Variants in GNAS observed in about 807,000 individuals in gnomAD.
GNAS encodes GNAS complex locus.
In GNAS, 8 loss-of-function variants were observed where a neutral mutation model predicts 54.5. The ratio of observed to expected loss-of-function variants is 0.15; its 90% CI spans 0.09 to 0.26. GNAS has a LOEUF of 0.26. GNAS is among the 10% of genes least tolerant of loss of function. GNAS has a pLI of 1.00. For missense variants in GNAS, 170 were observed against 529.8 expected (o/e 0.32, Z 6.67); for synonymous variants, 204 against 191.4 (o/e 1.07, Z -0.54).
intron 1 of GNAS, among the ~76,000 whole-genome samples, chr20:58,847,973 C>A (rs557967402): frequency 6.6e-6 from 1 of 152,214 alleles, no homozygotes; most frequent in Non-Finnish European, 1.5e-5. Context: ...GCATCACGTG[C>A]GGCTTCCAAG....
intron 2 of GNAS, among the ~76,000 whole-genome samples, 198 bp downstream of exon 2, chr20:58,895,882 A>G (rs927432672): frequency 6.6e-6 from 1 of 152,124 alleles, no homozygotes; most frequent in Non-Finnish European, 1.5e-5. Context: ...GGTGCAACAA[A>G]TACTACTGAT....
intron 3 of GNAS, chr20:58,899,915 A>G (rs2090454501): frequency 1.4e-6 from 1 of 717,816 alleles, no homozygotes; most frequent in Non-Finnish European, 2.6e-6. Context: ...GGGACAAAGT[A>G]ACTGACACAT....
In GNAS at chr20:58,910,703, A is replaced by G; in HGVS notation, c.1059A>G (p.Gly353=). Residue 353 remains glycine (G), a synonymous_variant, in exon 13 of 13, where the codon GGA becomes GGG. Transcript: ENST00000371085. The surrounding 1 kb of genome is among the most constrained non-coding windows in gnomAD (Gnocchi z 5.8). ...DEFLRISTAS[G]DGRHYCYPHF... is the part of the protein sequence containing the mutation. ...CGCAGAGGATCAGCACTGCCAGTGG[A>G]GATGGGCGTCACTACTGCTACCCTC... 6.2e-7 allele frequency: 1 copy of G among 1,614,144 alleles called. No individual in the cohort carries two copies. The highest frequency in any genetic ancestry group is 8.5e-7 in the Non-Finnish European group (1 of 1,179,994).
chr20:58,884,343 G>A (rs1043364639), intron 1 of GNAS: 5 of 152,162 alleles, frequency 3.3e-5, no homozygotes, highest in African/African-American at 1.2e-4. Flanking sequence ...TAAATTTGAA[G>A]AAGTGAATAC....
chr20:58,854,245 GC>G, intron 1 of GNAS: 2 of 1,613,262 alleles, frequency 1.2e-6, no homozygotes, highest in South Asian at 2.2e-5. Context: ...AACATGGACA[GC>G]CCCCCAATCG....
rs1413091145 is a variant in GNAS at position 58,856,679 on chromosome 20, T to C, written c.43+15793T>C. ...TGGGGGCAAAGAGGCTTGTCAAAGG[T>C]AAGGTCTTCTGCAAATTGGCTCTGG... On this transcript the variant is annotated intron_variant, in intron 1 of 12. Transcript: ENST00000306090. This position sits in a 1 kb window ranked among gnomAD's most constrained non-coding sequence, Gnocchi z 4.2. The C allele has an allele frequency of 6.6e-6, 1 of 152,236 alleles. No homozygotes were observed. The highest frequency in any genetic ancestry group is 2.4e-5 in the African/African-American group (1 of 41,456). The allele number at this position is 152,236 out of a possible 1,614,324, so 9.4% of individuals were successfully genotyped here.
intron 1 of GNAS, among the ~76,000 whole-genome samples, chr20:58,877,320 C>A (rs1436432567): frequency 1.3e-5 from 2 of 151,882 alleles, no homozygotes; most frequent in African/African-American, 4.8e-5. Context: ...CACCAGTGGC[C>A]TATTCTGTGG....
At chr20:58,868,294 C>T (rs970533275) in intron 1 of GNAS, among the ~76,000 whole-genome samples, 5 of 152,130 alleles carry the variant, frequency 3.3e-5, no homozygotes, top group African/African-American at 4.8e-5. Context: ...GCTGGGATTA[C>T]AGGCGTGAGC....
chr20:58,899,964 G>C, intron 3 of GNAS: 1 of 717,510 alleles, frequency 1.4e-6, no homozygotes, highest in Non-Finnish European at 2.6e-6. Flanking sequence ...AATATCCCTA[G>C]ATGATGGCTA....
At chr20:58,893,302 C>CT (rs200908803) in intron 1 of GNAS, among the ~76,000 whole-genome samples, 7 of 151,604 alleles carry the variant, frequency 4.6e-5, no homozygotes, top group African/African-American at 9.7e-5. Context: ...GCCTTTCCTC[C>CT]TTTTTTTTCT....
chr20:58,892,448 A>C (rs1388581005), intron 1 of GNAS: 4 of 126,592 alleles, frequency 3.2e-5, no homozygotes, highest in African/African-American at 9.1e-5. Flanking sequence ...TGGCGGGGAG[A>C]AGTGGCCGAG....
intron 3 of GNAS, among the ~76,000 whole-genome samples, chr20:58,900,860 T>A (rs1176426005): frequency 6.6e-6 from 1 of 152,206 alleles, no homozygotes; most frequent in African/African-American, 2.4e-5. Flanking sequence ...ACACCCGAAT[T>A]AGATTTTAGA....
intron 1 of GNAS, among the ~76,000 whole-genome samples, chr20:58,868,507 T>C (rs1263592223): frequency 6.6e-6 from 1 of 151,598 alleles, no homozygotes; most frequent in Non-Finnish European, 1.5e-5. Flanking sequence ...GGGTCTGATT[T>C]CAGATGTTAA....
At chr20:58,882,237 T>C (rs897993013) in intron 1 of GNAS, among the ~76,000 whole-genome samples, 2 of 152,122 alleles carry the variant, frequency 1.3e-5, no homozygotes, top group African/African-American at 4.8e-5. Flanking sequence ...CCCGGCTAAT[T>C]TTTTTGTATT....
At chr20:58,899,729 C>G (rs1257133225) in intron 3 of GNAS, among the ~76,000 whole-genome samples, 1 of 151,588 alleles carries the variant, frequency 6.6e-6, no homozygotes, top group Non-Finnish European at 1.5e-5. Context: ...GCCACACGCG[C>G]CGCGCACACA....
chr20:58,841,306 G>C lies in GNAS; in HGVS notation c.43+420G>C, dbSNP rs1009151713. On this transcript the variant is annotated intron_variant, in intron 1 of 12. Transcript: ENST00000306090. This position sits in a 1 kb window ranked among gnomAD's most constrained non-coding sequence, Gnocchi z 5.0. ...GGCCTTCTCAGGTGTCCAAAATGTGGTTCGGAGGTGCGCGCGCCAACTTTC... is the reference window on the plus strand; with the variant it reads ...GGCCTTCTCAGGTGTCCAAAATGTGCTTCGGAGGTGCGCGCGCCAACTTTC... The C allele has an allele frequency of 9.4e-7, 1 of 1,059,990 alleles. No individual in the cohort carries two copies. Among genetic ancestry groups the C allele is most frequent in the Middle Eastern group, 4.6e-4 (1 of 2,196 alleles). 65.7% of individuals were successfully genotyped at this position (1,059,990 alleles called of 1,614,324 possible). A position where few individuals can be genotyped will look rare whatever the true frequency, so the allele number is the denominator to read the frequency against.
At position 58,891,523 on chromosome 20, in the gene GNAS, T is replaced by C. The variant is rs3207520; in HGVS notation, c.-204T>C. 2 of 974,204 alleles carry C rather than the reference T, an allele frequency of 2.1e-6. No individual in the cohort carries two copies. Among genetic ancestry groups the C allele is most frequent in the Non-Finnish European group, 2.4e-6 (2 of 824,098 alleles). 60.3% of individuals were successfully genotyped at this position (974,204 alleles called of 1,614,324 possible). A position where few individuals can be genotyped will look rare whatever the true frequency, so the allele number is the denominator to read the frequency against. On this transcript the variant is annotated 5_prime_UTR_variant, in exon 1 of 13. Coordinates refer to ENST00000371085, the MANE Select transcript of GNAS (RefSeq NM_000516.7). ...GCGGGGAGCTGCGCGCGCCCCTCGGTCCGACCGACACCCTCCCCTTCCCGC... is the reference window on the plus strand; with the variant it reads ...GCGGGGAGCTGCGCGCGCCCCTCGGCCCGACCGACACCCTCCCCTTCCCGC...
intron 1 of GNAS, among the ~76,000 whole-genome samples, chr20:58,894,713 C>CTA (rs1241618542): frequency 6.6e-6 from 1 of 152,194 alleles, no homozygotes; most frequent in African/African-American, 2.4e-5. Context: ...GCATGTGTTT[C>CTA]TACTCTTTGA....
Position 58,853,412 on chromosome 20 carries a change from G to A in GNAS, c.43+12526G>A, listed in dbSNP as rs928516009. On this transcript the variant is annotated intron_variant, in intron 1 of 12. Coordinates refer to the GNAS transcript ENST00000306090. The surrounding 1 kb of genome is among the most constrained non-coding windows in gnomAD (Gnocchi z 4.4). ...CTGGGCCTAGCCCAGCCGAAGAGAT[G>A]GAGACCGAACCGCCTCACAACGAGC... is the stretch of plus-strand genomic sequence containing the variant. 1.3e-6 allele frequency: 2 copies of A among 1,585,118 alleles called. No homozygotes were observed. Among genetic ancestry groups the A allele is most frequent in the African/African-American group, 1.4e-5 (1 of 73,936 alleles).
Sources: gnomAD v4.1 joint callset for allele counts (sites outside exome capture counted in the v4.1 genomes callset) on GRCh38, gnomAD v4.1.1 for gene constraint, Gnocchi (gnomAD v3.1) non-coding constraint, MANE v1.5 for transcripts, NCBI Gene and HGNC (gene_info 2026-07-23, HGNC 2026-07-21) for gene names.